ALK: variants seen among roughly 807,000 people sequenced by gnomAD.
ALK encodes ALK tyrosine kinase receptor.
A neutral mutation model predicts 163.1 loss-of-function variants in ALK; 74 were observed. The observed-to-expected ratio is 0.45, with a 90% CI of 0.38 to 0.55. The LOEUF (loss-of-function observed/expected upper bound fraction) is 0.55, where lower values mean the gene tolerates loss of function less well. Ranked by LOEUF, ALK falls within the 20% of genes least tolerant of loss-of-function variation. The probability of loss-of-function intolerance (pLI) is 0.00; values close to 1 mark genes in which losing one functional copy is unlikely to be tolerated. For synonymous variants in ALK, 960 were observed against 843.2 expected (o/e 1.14, Z -2.40); for missense variants, 2,063 against 2,105.3 (o/e 0.98, Z 0.39).
chr2:29,883,001 A>C (rs1666903139), intron 1 of ALK, among the ~76,000 whole-genome samples: 1 of 151,996 alleles, frequency 6.6e-6, no homozygotes, highest in Admixed American at 6.6e-5. Flanking sequence ...AATAAGCTTA[A>C]TGTTTATATT....
intron 11 of ALK, among the ~76,000 whole-genome samples, chr2:29,251,673 G>C (rs949817963): frequency 6.6e-6 from 1 of 152,222 alleles, no homozygotes; most frequent in Non-Finnish European, 1.5e-5. Flanking sequence ...TCCTCTCCCA[G>C]TCTCTCACCG....
chr2:29,900,676 G>T (rs1388040111), intron 1 of ALK, among the ~76,000 whole-genome samples: 2 of 152,188 alleles, frequency 1.3e-5, no homozygotes, highest in Non-Finnish European at 2.9e-5. Context: ...GCCCTTGACT[G>T]GGCTTCACAG....
intron 3 of ALK, among the ~76,000 whole-genome samples, chr2:29,566,235 C>T (rs1022418599): frequency 6.6e-6 from 1 of 152,208 alleles, no homozygotes; most frequent in Non-Finnish European, 1.5e-5. Flanking sequence ...TAAAGAGGTC[C>T]ACATGATTTG....
At chr2:29,254,269 C>A (rs1558640101) in intron 11 of ALK, among the ~76,000 whole-genome samples, 1 of 151,714 alleles carries the variant, frequency 6.6e-6, no homozygotes, top group Non-Finnish European at 1.5e-5. Context: ...TGAGAATGGA[C>A]TAATACATAT....
At chr2:29,423,638 A>C (rs1236456909) in intron 4 of ALK, among the ~76,000 whole-genome samples, 1 of 152,246 alleles carries the variant, frequency 6.6e-6, no homozygotes, top group Non-Finnish European at 1.5e-5. Flanking sequence ...CTAATAGAAA[A>C]ATGTACATTG....
chr2:29,863,608 A>T (rs957629666), intron 1 of ALK, among the ~76,000 whole-genome samples: 1 of 152,208 alleles, frequency 6.6e-6, no homozygotes, highest in Admixed American at 6.5e-5. Context: ...CTATTATCAA[A>T]AAATAAATAA....
At chr2:29,668,846 A>C (rs1013998893) in intron 3 of ALK, among the ~76,000 whole-genome samples, 8 of 152,096 alleles carry the variant, frequency 5.3e-5, no homozygotes, top group African/African-American at 1.9e-4. Flanking sequence ...TGGAAGGCAA[A>C]GGAAGAGCAA....
intron 3 of ALK, among the ~76,000 whole-genome samples, chr2:29,542,687 G>T (rs1378178702): frequency 1.3e-5 from 2 of 152,148 alleles, no homozygotes; most frequent in African/African-American, 4.8e-5. Context: ...CTATTTGGAA[G>T]CTTTTGGGAT....
intron 1 of ALK, among the ~76,000 whole-genome samples, chr2:29,725,173 A>AT (rs59025753): frequency 6.7e-6 from 1 of 149,984 alleles, no homozygotes; most frequent in Non-Finnish European, 1.5e-5. Context: ...AAAAAAAAAA[A>AT]GGAATCACAA....
rs1668911132 is a variant in ALK, at chr2:29,193,076, A to G, written c.*148T>C. On this transcript the variant is annotated 3_prime_UTR_variant, in exon 29 of 29. Transcript: ENST00000389048. Reference sequence around the variant, plus strand: ...CTCAAAACCTTTCTAAAGCATTTTCAAAATACAGCTTTTTTGGTGGTACTT... The same window carrying G: ...CTCAAAACCTTTCTAAAGCATTTTCGAAATACAGCTTTTTTGGTGGTACTT... The G allele has an allele frequency of 1.1e-6, 1 of 876,868 alleles. No individual in the cohort carries two copies. Among genetic ancestry groups the G allele is most frequent in the South Asian group, 1.5e-5 (1 of 66,184 alleles). The allele number at this position is 876,868 out of a possible 1,614,324, so 54.3% of individuals were successfully genotyped here.
intron 26 of ALK, among the ~76,000 whole-genome samples, chr2:29,206,360 T>C (rs527730444): frequency 2.6e-5 from 4 of 150,992 alleles, no homozygotes; most frequent in Non-Finnish European, 5.9e-5. Context: ...CAGCCTTGAC[T>C]TCCTGGGCTC....
intron 1 of ALK, among the ~76,000 whole-genome samples, chr2:29,902,309 A>G (rs1667436783): frequency 6.6e-6 from 1 of 152,148 alleles, no homozygotes; most frequent in Non-Finnish European, 1.5e-5. Context: ...GAAAGCTTGA[A>G]TTTCTCTTTT....
intron 5 of ALK, among the ~76,000 whole-genome samples, chr2:29,356,716 T>C (rs1330293160): frequency 1.3e-5 from 2 of 152,134 alleles, no homozygotes; most frequent in African/African-American, 2.4e-5. Flanking sequence ...AATCACTCAA[T>C]CACACTGAAA....
intron 9 of ALK, among the ~76,000 whole-genome samples, chr2:29,293,794 A>G (rs1666103014): frequency 6.6e-6 from 1 of 152,198 alleles, no homozygotes; most frequent in South Asian, 2.1e-4. Context: ...GCATCCCCAA[A>G]GCCACAGGAA....
chr2:29,268,342 A>T (rs941989700), intron 11 of ALK, among the ~76,000 whole-genome samples: 5 of 152,232 alleles, frequency 3.3e-5, no homozygotes, highest in African/African-American at 1.2e-4. Flanking sequence ...GCAATGCACC[A>T]TCTAGGGCAA....
chr2:29,578,609 C>T (rs955219891), intron 3 of ALK, among the ~76,000 whole-genome samples: 2 of 152,194 alleles, frequency 1.3e-5, no homozygotes, highest in Non-Finnish European at 2.9e-5. Flanking sequence ...TGGCTTTCTT[C>T]CTTGTCTTCA....
intron 1 of ALK, among the ~76,000 whole-genome samples, chr2:29,753,234 G>A (rs2541187): frequency 0.63 from 95,549 of 152,112 alleles, 34,364 homozygotes; most frequent in East Asian, 0.81. Context: ...AGAAAGTAAA[G>A]TCATTTTAGG....
At chr2:29,384,915 G>A (rs1403742964) in intron 4 of ALK, among the ~76,000 whole-genome samples, 2 of 152,134 alleles carry the variant, frequency 1.3e-5, no homozygotes, top group Non-Finnish European at 2.9e-5. Flanking sequence ...GCTGGGTATG[G>A]TGGTGCACAC....
intron 3 of ALK, among the ~76,000 whole-genome samples, chr2:29,672,262 G>T (rs1256926287): frequency 2.0e-5 from 3 of 151,558 alleles, no homozygotes; most frequent in Non-Finnish European, 4.4e-5. Context: ...TGCCACGCTG[G>T]TGCACTGCAC....
Sources: gnomAD v4.1 joint callset for allele counts (sites outside exome capture counted in the v4.1 genomes callset) on GRCh38, gnomAD v4.1.1 for gene constraint, MANE v1.5 for transcripts, NCBI Gene and HGNC (gene_info 2026-07-23, HGNC 2026-07-21) for gene names.